DSCAM: variants seen among roughly 807,000 people sequenced by gnomAD.
The protein encoded by DSCAM is DS cell adhesion molecule.
In DSCAM, 47 loss-of-function variants were observed where a neutral mutation model predicts 217.7. That is an observed-to-expected ratio of 0.22 (90% CI 0.17 to 0.28). The LOEUF is 0.28. Among genes scored for constraint, DSCAM ranks in the 10% least tolerant of loss-of-function variants. The pLI, the probability that DSCAM is intolerant of heterozygous loss-of-function variation, is 1.00. For synonymous variants in DSCAM, 1,056 were observed against 1,015.3 expected, an observed-to-expected ratio of 1.04 and a Z score of -0.76; for missense variants, 2,080 against 2,618.3, an observed-to-expected ratio of 0.79 and a Z score of 4.49.
intron 11 of DSCAM, among the ~76,000 whole-genome samples, chr21:40,266,467 A>G (rs2073528897): frequency 6.6e-6 from 1 of 151,756 alleles, no homozygotes; most frequent in Non-Finnish European, 1.5e-5. Flanking sequence ...CTAAAAGTAG[A>G]TCTACCATTT....
intron 20 of DSCAM, among the ~76,000 whole-genome samples, chr21:40,107,527 A>G (rs1212289680): frequency 6.6e-6 from 1 of 151,894 alleles, no homozygotes; most frequent in African/African-American, 2.4e-5. Flanking sequence ...CATCTAATTC[A>G]GGACCTGAGC....
chr21:40,445,886 A>G (rs2075670731), intron 3 of DSCAM, among the ~76,000 whole-genome samples: 1 of 152,254 alleles, frequency 6.6e-6, no homozygotes, highest in African/African-American at 2.4e-5. Flanking sequence ...AATGCAAATA[A>G]TAAGACTCTA....
At chr21:40,066,153 C>A in intron 27 of DSCAM, among the ~76,000 whole-genome samples, 1 of 152,230 alleles carries the variant, frequency 6.6e-6, no homozygotes, top group Non-Finnish European at 1.5e-5. Context: ...TCAGACAGCC[C>A]TTCCCAGCTC....
intron 1 of DSCAM, among the ~76,000 whole-genome samples, chr21:40,762,546 G>A (rs1351884937): frequency 2.6e-5 from 4 of 152,026 alleles, no homozygotes; most frequent in Non-Finnish European, 5.9e-5. Context: ...AAGAGGAGCT[G>A]ATACTGTTCC....
intron 17 of DSCAM, among the ~76,000 whole-genome samples, chr21:40,143,141 T>C (rs1217190264): frequency 6.6e-6 from 1 of 152,232 alleles, no homozygotes; most frequent in East Asian, 1.9e-4. Flanking sequence ...AATTGGAAGC[T>C]GAACCATTGT....
At chr21:40,579,139 A>G (rs8129702) in intron 3 of DSCAM, among the ~76,000 whole-genome samples, 1 of 152,104 alleles carries the variant, frequency 6.6e-6, no homozygotes, top group Non-Finnish European at 1.5e-5. Flanking sequence ...CACAGACCAC[A>G]GCCCACCACA....
chr21:40,090,865 A>G (rs2146586035), intron 21 of DSCAM, among the ~76,000 whole-genome samples: 1 of 152,186 alleles, frequency 6.6e-6, no homozygotes, highest in South Asian at 2.1e-4. Flanking sequence ...ACCCCTCCAA[A>G]TGTCTGTACC....
intron 3 of DSCAM, among the ~76,000 whole-genome samples, chr21:40,591,072 C>T (rs184124724): frequency 7.2e-5 from 11 of 151,950 alleles, no homozygotes; most frequent in African/African-American, 2.2e-4. Flanking sequence ...ATGCTGTTCT[C>T]GTGATAGTGA....
intron 3 of DSCAM, among the ~76,000 whole-genome samples, chr21:40,637,132 TATATAA>T (rs1320625461): frequency 0.047 from 3,675 of 78,590 alleles, 486 homozygotes; most frequent in Middle Eastern, 0.093. Flanking sequence ...TATATATAAA[TATATAA>T]ATATATATAT....
At chr21:40,032,710 A>T (rs1015714171) in intron 32 of DSCAM, among the ~76,000 whole-genome samples, 1 of 152,108 alleles carries the variant, frequency 6.6e-6, no homozygotes, top group African/African-American at 2.4e-5. Flanking sequence ...CTTTGACACT[A>T]TAGTGTTGTT....
intron 4 of DSCAM, among the ~76,000 whole-genome samples, chr21:40,365,877 C>G (rs901389056): frequency 6.6e-6 from 1 of 152,168 alleles, no homozygotes; most frequent in Non-Finnish European, 1.5e-5. Flanking sequence ...GTCCAAATAA[C>G]TAGCCCTAGC....
chr21:40,383,945 G>C (rs1269049735), intron 3 of DSCAM: 1 of 152,078 alleles, frequency 6.6e-6, no homozygotes, highest in African/African-American at 2.4e-5. Flanking sequence ...GATGCTTCCT[G>C]GAAGAGGTGG....
At chr21:40,813,605 T>C (rs1026567536) in intron 1 of DSCAM, among the ~76,000 whole-genome samples, 1 of 152,070 alleles carries the variant, frequency 6.6e-6, no homozygotes, top group Non-Finnish European at 1.5e-5. Flanking sequence ...TTGATTTCCA[T>C]ATATTTGTAT....
intron 10 of DSCAM, among the ~76,000 whole-genome samples, chr21:40,277,206 G>C (rs1034180233): frequency 3.9e-5 from 6 of 152,074 alleles, no homozygotes; most frequent in African/African-American, 1.4e-4. Flanking sequence ...TCTTCCTGGA[G>C]GAAGCTCAAC....
rs183653032 is a variant in DSCAM, at chr21:40,414,336, T to C, written c.509-45091A>G. ...ACAATGTGCAAAATATTTGAACAGA[T>C]ACTTAGTGAAAGGAGATATATGAAC... is the stretch of plus-strand genomic sequence containing the variant. On this transcript the variant is annotated intron_variant, in intron 3 of 32. Transcript: ENST00000400454. 1.4e-4 allele frequency among the ~76,000 whole-genome samples: 22 copies of C among 152,322 alleles called. No homozygotes were observed. In the East Asian group the frequency reaches 4.1e-3, roughly 28 times the overall value.
At chr21:40,405,212 C>A (rs986618972) in intron 3 of DSCAM, among the ~76,000 whole-genome samples, 21 of 152,248 alleles carry the variant, frequency 1.4e-4, no homozygotes, top group Middle Eastern at 3.4e-3. Context: ...CAGAGGTAGA[C>A]CCTGGGAAAA....
At chr21:40,707,918 G>T (rs1465408753) in intron 2 of DSCAM, among the ~76,000 whole-genome samples, 1 of 152,146 alleles carries the variant, frequency 6.6e-6, no homozygotes, top group African/African-American at 2.4e-5. Flanking sequence ...CAGGATTTAT[G>T]TACTGACAAC....
At chr21:40,244,995 C>T (rs1354000691) in intron 11 of DSCAM, among the ~76,000 whole-genome samples, 2 of 141,734 alleles carry the variant, frequency 1.4e-5, no homozygotes, top group East Asian at 2.5e-4. Context: ...GGAAGAAAAT[C>T]GAGGGAGGGA....
At chr21:40,620,482 G>A (rs2089496445) in intron 3 of DSCAM, among the ~76,000 whole-genome samples, 1 of 149,762 alleles carries the variant, frequency 6.7e-6, no homozygotes. Flanking sequence ...AAAAAGGGAA[G>A]GGAAGGGAGA....
Sources: allele counts gnomAD v4.1 joint callset (sites outside exome capture counted in the v4.1 genomes callset), GRCh38; gene constraint gnomAD v4.1.1; transcripts MANE v1.5; gene names NCBI Gene and HGNC (gene_info 2026-07-23, HGNC 2026-07-21).